The following SLK variants were observed in gnomAD, a reference collection of about 807,000 sequenced individuals.
The protein encoded by SLK is STE20 like kinase.
A neutral mutation model predicts 147.7 loss-of-function variants in SLK; 67 were observed. The observed-to-expected ratio is 0.45, with a 90% CI of 0.37 to 0.56. The LOEUF (loss-of-function observed/expected upper bound fraction) is 0.56, where lower values mean the gene tolerates loss of function less well. SLK is among the 20% of genes least tolerant of loss of function. The pLI is 0.00. For missense variants in SLK, 1,136 were observed against 1,438.8 expected (o/e 0.79, Z 3.41); for synonymous variants, 441 against 475.0 (o/e 0.93, Z 0.93).
chr10:103,984,573 C>T (rs112737444), intron 1 of SLK, among the ~76,000 whole-genome samples: 122 of 152,186 alleles, frequency 8.0e-4, no homozygotes, highest in Admixed American at 1.6e-3. Context: ...ACCACCACAC[C>T]GTGCTAATTT....
At chr10:104,006,647 A>C (rs1014748135) in intron 11 of SLK, among the ~76,000 whole-genome samples, 7 of 152,218 alleles carry the variant, frequency 4.6e-5, no homozygotes, top group African/African-American at 1.7e-4. Context: ...TATGTTGACT[A>C]TCTGCCTTAA....
chr10:103,982,942 A>G (rs1843965515), intron 1 of SLK, among the ~76,000 whole-genome samples: 1 of 152,240 alleles, frequency 6.6e-6, no homozygotes, highest in East Asian at 1.9e-4. Flanking sequence ...GCCTTCCGCA[A>G]GTCACTTAAC....
chr10:104,005,565 CAAG>C lies in SLK; in HGVS notation c.2359_2361del (p.Arg787del). 1.2e-6 allele frequency: 2 copies of C among 1,603,754 alleles called. No individual in the cohort carries two copies. Among genetic ancestry groups the C allele is most frequent in the Non-Finnish European group, 1.7e-6 (2 of 1,177,226 alleles). Reference sequence around the variant, plus strand: ...CTAAAATAAAATCTCACTCAGGAAACAAGAAGACAAAAGAAAACATTGAAGAAA... The same window carrying C: ...CTAAAATAAAATCTCACTCAGGAAACAAGACAAAAGAAAACATTGAAGAAA... On this transcript the variant is annotated inframe_deletion, in exon 10 of 19. Transcript: ENST00000369755.
chr10:104,006,024 C>G lies in SLK; in HGVS notation c.2593C>G (p.Gln865Glu). The G allele has an allele frequency of 6.2e-7, 1 of 1,612,340 alleles. No individual in the cohort carries two copies. ...QREQIFRRFE[Q>E]EMMSKKRQYD... ...AGAACAAATTTTCCGGCGCTTTGAG[C>G]AGGAAATGATGGTAAAGTCTGATTG... The change falls in exon 11 of 19, where the codon CAG (glutamine) becomes GAG (glutamate). Residue 865 changes from glutamine to glutamate, a missense_variant. This residue lies in a region of SLK where 327 missense variants were observed against 457.5 expected (regional missense o/e 0.71). Coordinates refer to ENST00000369755, the MANE Select transcript of SLK (RefSeq NM_014720.4).
chr10:103,982,526 T>C (rs1256260785), intron 1 of SLK, among the ~76,000 whole-genome samples: 1 of 152,228 alleles, frequency 6.6e-6, no homozygotes, highest in East Asian at 1.9e-4. Flanking sequence ...GTATATTTCT[T>C]TCTCTTTTGC....
chr10:103,989,607 T>G (rs532371925), intron 1 of SLK, among the ~76,000 whole-genome samples: 16 of 151,760 alleles, frequency 1.1e-4, no homozygotes, highest in African/African-American at 3.6e-4. Context: ...TAGCTGGGAC[T>G]ACAGGTGCCC....
intron 8 of SLK, among the ~76,000 whole-genome samples, 176 bp from the exon 9 acceptor site, chr10:104,001,996 G>T (rs943410483): frequency 1.3e-5 from 2 of 152,178 alleles, no homozygotes; most frequent in Non-Finnish European, 2.9e-5. Flanking sequence ...GATTACAGGT[G>T]TGTGCCACCG....
chr10:104,011,976 T>G (rs1844406990), intron 13 of SLK, among the ~76,000 whole-genome samples: 1 of 152,252 alleles, frequency 6.6e-6, no homozygotes, highest in South Asian at 2.1e-4. Flanking sequence ...AAATTTATGC[T>G]AAGCCTGGAG....
At position 103,967,738 on chromosome 10, in the gene SLK, G is replaced by A; in HGVS notation, c.-8G>A. 6.2e-7 allele frequency: 1 copy of A among 1,613,840 alleles called. No homozygotes were observed. The highest frequency in any genetic ancestry group is 8.5e-7 in the Non-Finnish European group (1 of 1,179,774). On this transcript the variant is annotated 5_prime_UTR_variant, in exon 1 of 19. Coordinates refer to ENST00000369755, the MANE Select transcript of SLK (RefSeq NM_014720.4). ...TTAAGTGCAAGGAACTCTGTGTTGGGAGGAAAAATGTCCTTCTTCAATTTC... is the reference window on the plus strand; with the variant it reads ...TTAAGTGCAAGGAACTCTGTGTTGGAAGGAAAAATGTCCTTCTTCAATTTC...
rs1316579127 is a variant in SLK at position 103,998,978 on chromosome 10, A to T, written c.587+7A>T. 6.3e-7 allele frequency: 1 copy of T among 1,596,496 alleles called. No homozygotes were observed. On this transcript the variant is annotated splice_region_variant and intron_variant, in intron 5 of 18. Coordinates refer to ENST00000369755, the MANE Select transcript of SLK (RefSeq NM_014720.4). The stretch of plus-strand genomic sequence containing the variant: ...TTATTGGTACACCATATTGGTATGT[A>T]TTCAGTTTTATGAATTTATAGTATT...
intron 4 of SLK, among the ~76,000 whole-genome samples, chr10:103,994,791 A>G (rs541348544): frequency 3.9e-5 from 6 of 152,310 alleles, no homozygotes; most frequent in Non-Finnish European, 7.4e-5. Context: ...GTTTCCCTCA[A>G]ACTGCATTTT....
At chr10:103,982,809 C>A (rs1843963572) in intron 1 of SLK, among the ~76,000 whole-genome samples, 1 of 152,206 alleles carries the variant, frequency 6.6e-6, no homozygotes, top group African/African-American at 2.4e-5. Context: ...TTTCACCTCT[C>A]ATGAAGAGAT....
Position 104,003,179 on chromosome 10 carries a change from T to TG in SLK, c.2002dup (p.Glu668GlyfsTer7), listed in dbSNP as rs1326788113. On this transcript the variant is annotated frameshift_variant, in exon 9 of 19. Coordinates refer to ENST00000369755, the MANE Select transcript of SLK (RefSeq NM_014720.4). LOFTEE classifies it high-confidence loss of function. Reference sequence around the variant, plus strand: ...ATACTGACCAAAAGGCTTTAGGAAGTGAAGTTCAGGATGCTTCTAAAGTCA... The same window carrying TG: ...ATACTGACCAAAAGGCTTTAGGAAGTGGAAGTTCAGGATGCTTCTAAAGTCA... 1.2e-6 allele frequency: 2 copies of TG among 1,613,878 alleles called. No individual in the cohort carries two copies. Among genetic ancestry groups the TG allele is most frequent in the Non-Finnish European group, 1.7e-6 (2 of 1,179,990 alleles).
chr10:104,011,872 T>C (rs1205086537), intron 13 of SLK, among the ~76,000 whole-genome samples: 1 of 152,226 alleles, frequency 6.6e-6, no homozygotes, highest in Non-Finnish European at 1.5e-5. Flanking sequence ...GTGAATTCTT[T>C]ACGAAGTGAG....
chr10:104,011,115 T>C (rs1226787899), intron 13 of SLK, among the ~76,000 whole-genome samples: 1 of 152,236 alleles, frequency 6.6e-6, no homozygotes, highest in African/African-American at 2.4e-5. Context: ...TTAAGTGGAA[T>C]GTTTGGAAAG....
chr10:103,993,070 A>T lies in SLK; in HGVS notation c.451A>T (p.Ile151Phe). The T allele has an allele frequency of 3.1e-6, 5 of 1,611,612 alleles. No individual in the cohort carries two copies. Among genetic ancestry groups the T allele is most frequent in the Non-Finnish European group, 4.2e-6 (5 of 1,178,376 alleles). ...ATTGAACTACTTACATGATAATAAG[A>T]TCATCCACAGAGATCTGAAGGCTGG... is the stretch of plus-strand genomic sequence containing the variant. ...DALNYLHDNK[I>F]IHRDLKAGNI... Residue 151 changes from isoleucine to phenylalanine, a missense_variant, in exon 4 of 19, where the codon ATC becomes TTC. Ile to Phe is a conservative substitution (Grantham distance 21, BLOSUM62 0). This residue lies in a region of SLK where 141 missense variants were observed against 219.3 expected (regional missense o/e 0.64). Coordinates refer to ENST00000369755, the MANE Select transcript of SLK (RefSeq NM_014720.4).
rs531298952 is a variant in SLK, at chr10:104,013,255, T to TA, written c.2877+2348dup. On this transcript the variant is annotated intron_variant, in intron 13 of 18. Coordinates refer to ENST00000369755, the MANE Select transcript of SLK (RefSeq NM_014720.4). ...TTTAAGTCCAGTGGTTTTCAAACTA[T>TA]ACTAACAGGAATTTTGACTTTGAAA... 6.4e-3 allele frequency among the ~76,000 whole-genome samples: 970 copies of TA among 152,370 alleles called. 5 individuals are homozygous for TA. The highest frequency in any genetic ancestry group is 0.011 in the Admixed American group (175 of 15,308).
At position 104,018,807 on chromosome 10, in the gene SLK, C is replaced by G; in HGVS notation, c.3031C>G (p.Leu1011Val). The G allele has an allele frequency of 6.2e-7, 1 of 1,612,188 alleles. No individual in the cohort carries two copies. The highest frequency in any genetic ancestry group is 8.5e-7 in the Non-Finnish European group (1 of 1,179,534). The change falls in exon 15 of 19, where the codon CTC becomes GTC. Residue 1011 changes from leucine (L) to valine (V), a missense_variant. Transcript: ENST00000369755. ...AGCTCGAGAAGCTGCAATTTGGGAG[C>G]TCGAAGAACGACACTTACAAGAAAA... is the stretch of plus-strand genomic sequence containing the variant. ...MRAREAAIWE[L>V]EERHLQEKHQ...
In SLK at chr10:104,002,373, G is replaced by T; in HGVS notation, c.1195G>T (p.Glu399Ter). Residue 399 changes from glutamate (E) to a stop codon, truncating the protein, a stop_gained, in exon 9 of 19, where the codon GAA becomes TAA. Coordinates refer to ENST00000369755, the MANE Select transcript of SLK (RefSeq NM_014720.4). LOFTEE classifies it high-confidence loss of function. ...EPEKAVEDIN[E>*]HITDAQLEAM... ...TGAAAAGGCTGTGGAGGATATTAATGAACATATTACCGATGCTCAGTTAGA... is the reference window on the plus strand; with the variant it reads ...TGAAAAGGCTGTGGAGGATATTAATTAACATATTACCGATGCTCAGTTAGA... The T allele has an allele frequency of 6.2e-7, 1 of 1,613,524 alleles. No homozygotes were observed. The highest frequency in any genetic ancestry group is 1.1e-5 in the South Asian group (1 of 91,038).
Sources: gnomAD v4.1 joint callset for allele counts (sites outside exome capture counted in the v4.1 genomes callset) on GRCh38, gnomAD v4.1.1 for gene constraint, gnomAD v4.1.1 regional missense constraint, MANE v1.5 for transcripts, NCBI Gene and HGNC (gene_info 2026-07-23, HGNC 2026-07-21) for gene names.